The following FNIP1 variants were observed in gnomAD, a reference collection of about 807,000 sequenced individuals.
FNIP1 encodes the protein folliculin-interacting protein 1.
A neutral mutation model predicts 124.5 loss-of-function variants in FNIP1; 40 were observed. The ratio of observed to expected loss-of-function variants is 0.32; its 90% CI spans 0.25 to 0.42. FNIP1 has a LOEUF of 0.42. FNIP1 is among the 10% of genes least tolerant of loss of function. The pLI is 1.00. For synonymous variants in FNIP1, 472 were observed against 470.6 expected (o/e 1.00, Z -0.04); for missense variants, 1,176 against 1,403.7 (o/e 0.84, Z 2.59).
chr5:131,710,463 T>C (rs1769248663), intron 7 of FNIP1, 115 bp downstream of exon 7: 9 of 857,536 alleles, frequency 1.0e-5, no homozygotes, highest in Non-Finnish European at 1.4e-5. Context: ...TGCAATGTTT[T>C]CTTAACCACA....
intron 1 of FNIP1, among the ~76,000 whole-genome samples, chr5:131,750,657 G>A (rs1770843145): frequency 6.7e-6 from 1 of 150,344 alleles, no homozygotes; most frequent in African/African-American, 2.5e-5. Context: ...CTGTCTCTCA[G>A]GCTGGGGTGC....
chr5:131,711,169 T>C (rs1038410777), intron 6 of FNIP1, among the ~76,000 whole-genome samples: 4 of 152,180 alleles, frequency 2.6e-5, no homozygotes, highest in African/African-American at 9.7e-5. Context: ...AAATTAAAAA[T>C]TGGTTTTTCT....
chr5:131,789,672 G>C (rs1272827814), intron 1 of FNIP1, among the ~76,000 whole-genome samples: 2 of 152,064 alleles, frequency 1.3e-5, no homozygotes, highest in African/African-American at 2.4e-5. Flanking sequence ...CATTTCACGA[G>C]ACCTGTCAGC....
intron 6 of FNIP1, among the ~76,000 whole-genome samples, chr5:131,714,748 C>T (rs1769411154): frequency 6.6e-6 from 1 of 152,200 alleles, no homozygotes; most frequent in Non-Finnish European, 1.5e-5. Context: ...TTCATTGACT[C>T]TCCAGGACTG....
intron 6 of FNIP1, among the ~76,000 whole-genome samples, chr5:131,714,659 C>T (rs1206341770): frequency 2.6e-5 from 4 of 152,214 alleles, no homozygotes; most frequent in African/African-American, 9.6e-5. Flanking sequence ...GTACGTACCA[C>T]TGCTTCTTCA....
intron 1 of FNIP1, among the ~76,000 whole-genome samples, chr5:131,789,763 C>T (rs1772335638): frequency 6.6e-6 from 1 of 151,710 alleles, no homozygotes; most frequent in Non-Finnish European, 1.5e-5. Flanking sequence ...CACCACACAT[C>T]CCTGGCTTTT....
rs1385824653 is a variant in FNIP1 at position 131,643,605 on chromosome 5, A to T, written c.*1080T>A. 2 of 152,742 alleles carry T rather than the reference A, an allele frequency of 1.3e-5. No homozygotes were observed. Among genetic ancestry groups the T allele is most frequent in the African/African-American group, 4.8e-5 (2 of 41,454 alleles). The allele number at this position is 152,742 out of a possible 1,614,324, so 9.5% of individuals were successfully genotyped here. A position where few individuals can be genotyped will look rare whatever the true frequency, so the allele number is the denominator to read the frequency against. On this transcript the variant is annotated 3_prime_UTR_variant, in exon 18 of 18. Coordinates refer to ENST00000510461, the MANE Select transcript of FNIP1 (RefSeq NM_133372.3). ...CAAAGGCAACAATTGAGAAGTGAAAATCTTTGAAAAAAATACACTTTTGGA... is the reference window on the plus strand; with the variant it reads ...CAAAGGCAACAATTGAGAAGTGAAATTCTTTGAAAAAAATACACTTTTGGA...
In FNIP1 at chr5:131,702,294, G is replaced by A. The variant is rs777271178; in HGVS notation, c.1116+1771C>T. Among the ~76,000 whole-genome samples, 114 of 152,064 alleles carry A rather than the reference G, an allele frequency of 7.5e-4. 1 individual carries two copies. Among genetic ancestry groups the A allele is most frequent in the Middle Eastern group, 3.4e-3 (1 of 294 alleles). ...TGAGCTCAAGCACCCCTCCCACCTC[G>A]GCCTCCCTAGTAGCTGAGACTACTA... On this transcript the variant is annotated intron_variant, in intron 10 of 17. Transcript: ENST00000510461.
intron 2 of FNIP1, among the ~76,000 whole-genome samples, chr5:131,735,708 CA>C (rs1239073915): frequency 6.6e-6 from 1 of 150,388 alleles, no homozygotes; most frequent in Non-Finnish European, 1.5e-5. Flanking sequence ...GATGTGAGTT[CA>C]AAACCTGTAT....
intron 11 of FNIP1, among the ~76,000 whole-genome samples, chr5:131,681,420 C>T (rs914659129): frequency 2.0e-5 from 3 of 151,852 alleles, no homozygotes; most frequent in South Asian, 2.1e-4. Flanking sequence ...AACTACAGAG[C>T]GCAACCAAAA....
chr5:131,677,644 A>T, intron 13 of FNIP1, 59 bp downstream of exon 13: 1 of 1,455,338 alleles, frequency 6.9e-7, no homozygotes, highest in Non-Finnish European at 9.3e-7. Flanking sequence ...GCTATAAAAT[A>T]ATTACAGATA....
chr5:131,771,412 A>T (rs1167215643), intron 1 of FNIP1, among the ~76,000 whole-genome samples: 1 of 152,180 alleles, frequency 6.6e-6, no homozygotes, highest in East Asian at 1.9e-4. Flanking sequence ...TCAGGATAGG[A>T]AAGAACTGGC....
In FNIP1 at chr5:131,644,478, A is replaced by T; in HGVS notation, c.*207T>A. On this transcript the variant is annotated 3_prime_UTR_variant, in exon 18 of 18. Coordinates refer to ENST00000510461, the MANE Select transcript of FNIP1 (RefSeq NM_133372.3). ...ATTGTTGCTTTAATTTCATTTGTTT[A>T]AAAATCTACCACCACCCAAAAGTCC... 1 of 404,562 alleles carries T rather than the reference A, an allele frequency of 2.5e-6. No individual in the cohort carries two copies. Among genetic ancestry groups the T allele is most frequent in the Non-Finnish European group, 4.4e-6 (1 of 225,362 alleles). The allele number at this position is 404,562 out of a possible 1,614,324, so 25.1% of individuals were successfully genotyped here.
intron 11 of FNIP1, among the ~76,000 whole-genome samples, chr5:131,691,610 C>T (rs1768483080): frequency 6.6e-6 from 1 of 151,950 alleles, no homozygotes; most frequent in South Asian, 2.1e-4. Context: ...CACAAAAAGA[C>T]ACAAATTATA....
chr5:131,676,726 C>G (rs545301886), intron 13 of FNIP1, among the ~76,000 whole-genome samples: 1 of 152,182 alleles, frequency 6.6e-6, no homozygotes, highest in African/African-American at 2.4e-5. Flanking sequence ...TGCCACTGCA[C>G]TTCAGCCTGG....
chr5:131,796,777 C>T, intron 1 of FNIP1, 53 bp downstream of exon 1: 4 of 1,510,866 alleles, frequency 2.6e-6, no homozygotes, highest in Non-Finnish European at 3.6e-6. Flanking sequence ...ACCCCTGGAG[C>T]CCGGAGCCCA....
At chr5:131,661,103 G>A (rs2149509792) in intron 15 of FNIP1, among the ~76,000 whole-genome samples, 1 of 152,218 alleles carries the variant, frequency 6.6e-6, no homozygotes, top group Middle Eastern at 3.4e-3. Flanking sequence ...TGGTTGGGGA[G>A]ACTTCTCCTC....
At chr5:131,734,079 T>G (rs1323372754) in intron 2 of FNIP1, among the ~76,000 whole-genome samples, 2 of 152,202 alleles carry the variant, frequency 1.3e-5, no homozygotes, top group Non-Finnish European at 2.9e-5. Flanking sequence ...TGTTGAGGAA[T>G]TTATCCATTT....
chr5:131,699,581 AT>A (rs1282610233), intron 10 of FNIP1, among the ~76,000 whole-genome samples: 2 of 151,650 alleles, frequency 1.3e-5, no homozygotes, highest in Non-Finnish European at 2.9e-5. Flanking sequence ...TTTAGTAGAG[AT>A]GGGGTTTCAC....
Sources: allele counts gnomAD v4.1 joint callset (sites outside exome capture counted in the v4.1 genomes callset), GRCh38; gene constraint gnomAD v4.1.1; transcripts MANE v1.5; gene names NCBI Gene and HGNC (gene_info 2026-07-23, HGNC 2026-07-21).